The following DCAF10 variants were observed in gnomAD, a reference collection of about 807,000 sequenced individuals.
DCAF10 encodes DDB1- and CUL4-associated factor 10.
Under a neutral mutation model 51.9 loss-of-function variants are expected in DCAF10, and 19 were observed. The ratio of observed to expected loss-of-function variants is 0.37; its 90% CI spans 0.26 to 0.54. The LOEUF (loss-of-function observed/expected upper bound fraction) is 0.54, where lower values mean the gene tolerates loss of function less well. DCAF10 is among the 20% of genes least tolerant of loss of function. The pLI is 0.87. For missense variants in DCAF10, 510 were observed against 730.6 expected (o/e 0.70, Z 3.48); for synonymous variants, 291 against 297.1 (o/e 0.98, Z 0.21).
intron 2 of DCAF10, among the ~76,000 whole-genome samples, chr9:37,834,016 T>G (rs1258286357): frequency 6.6e-6 from 1 of 152,208 alleles, no homozygotes; most frequent in Non-Finnish European, 1.5e-5. Flanking sequence ...CTCGGCTCAC[T>G]GCAGCCTCCG....
chr9:37,861,480 G>A lies in DCAF10; in HGVS notation c.1652G>A (p.Arg551Gln). The A allele has an allele frequency of 4.3e-6, 7 of 1,609,856 alleles. No individual in the cohort carries two copies. The highest frequency in any genetic ancestry group is 6.0e-6 in the Non-Finnish European group (7 of 1,176,378). The change falls in exon 7 of 7, where the codon CGG (arginine) becomes CAG (glutamine). Residue 551 changes from arginine (R) to glutamine (Q), a missense_variant. Coordinates refer to ENST00000377724, the MANE Select transcript of DCAF10 (RefSeq NM_024345.5). The surrounding 1 kb of genome is among the most constrained non-coding windows in gnomAD (Gnocchi z 4.9). ...CQIASGCLSG[R>Q]VSLYQPKF ...ATTGCCTCAGGGTGCCTTAGTGGACGGGTTTCTTTGTATCAGCCAAAGTTT... is the reference window on the plus strand; with the variant it reads ...ATTGCCTCAGGGTGCCTTAGTGGACAGGTTTCTTTGTATCAGCCAAAGTTT...
intron 1 of DCAF10, among the ~76,000 whole-genome samples, chr9:37,806,320 A>G (rs1417278669): frequency 6.6e-6 from 1 of 152,200 alleles, no homozygotes; most frequent in African/African-American, 2.4e-5. Flanking sequence ...CCAATTATAT[A>G]GCAACTAAAG....
In DCAF10 at chr9:37,862,137, G is replaced by T. The variant is rs1831036891; in HGVS notation, c.*629G>T. 1 of 152,594 alleles carries T rather than the reference G, an allele frequency of 6.6e-6. No homozygotes were observed. The highest frequency in any genetic ancestry group is 1.9e-4 in the East Asian group (1 of 5,176). The allele number at this position is 152,594 out of a possible 1,614,324, so 9.5% of individuals were successfully genotyped here. A position where few individuals can be genotyped will look rare whatever the true frequency, so the allele number is the denominator to read the frequency against. On this transcript the variant is annotated 3_prime_UTR_variant, in exon 7 of 7. Coordinates refer to ENST00000377724, the MANE Select transcript of DCAF10 (RefSeq NM_024345.5). The stretch of plus-strand genomic sequence containing the variant: ...AAGTTTCCTGTTAAAATTATAAAAA[G>T]ATTTTCATGGTGAGAGGGATTTTAT...
Position 37,866,792 on chromosome 9 carries a change from C to T in DCAF10, c.*5284C>T, listed in dbSNP as rs1300938350. On this transcript the variant is annotated 3_prime_UTR_variant, in exon 7 of 7. Transcript: ENST00000377724. ...GATATACTACAAACTAAGGATGCTG[C>T]TAGACTAAGGAATAAACAGCAAGGT... is the stretch of plus-strand genomic sequence containing the variant. The T allele has an allele frequency of 1.3e-5, 2 of 152,496 alleles. No individual in the cohort carries two copies. The highest frequency in any genetic ancestry group is 3.9e-4 in the East Asian group (2 of 5,190). The allele number at this position is 152,496 out of a possible 1,614,324, so 9.4% of individuals were successfully genotyped here.
intron 2 of DCAF10, among the ~76,000 whole-genome samples, chr9:37,834,761 A>C (rs1287568490): frequency 1.3e-5 from 2 of 151,300 alleles, no homozygotes; most frequent in East Asian, 3.9e-4. Context: ...TTTTTAGAAA[A>C]TATTTTTTGT....
At position 37,866,977 on chromosome 9, in the gene DCAF10, AT is replaced by A. The variant is rs1451120914; in HGVS notation, c.*5471del. On this transcript the variant is annotated 3_prime_UTR_variant, in exon 7 of 7. Transcript: ENST00000377724. The stretch of plus-strand genomic sequence containing the variant: ...AATAACCATTAAAACATAGGCTTAA[AT>A]TATCACGTATTGTTACAAAGACACA... The A allele has an allele frequency of 6.6e-6, 1 of 152,254 alleles. No individual in the cohort carries two copies. The highest frequency in any genetic ancestry group is 1.9e-4 in the East Asian group (1 of 5,198). 9.4% of individuals were successfully genotyped at this position (152,254 alleles called of 1,614,324 possible). A position where few individuals can be genotyped will look rare whatever the true frequency, so the allele number is the denominator to read the frequency against.
chr9:37,847,757 G>C (rs1361334315), intron 3 of DCAF10, among the ~76,000 whole-genome samples: 2 of 152,142 alleles, frequency 1.3e-5, no homozygotes, highest in Non-Finnish European at 2.9e-5. Flanking sequence ...ACAGAAAATA[G>C]TAAGGAACCT....
intron 3 of DCAF10, among the ~76,000 whole-genome samples, chr9:37,850,042 G>C (rs1830588952): frequency 6.6e-6 from 1 of 152,198 alleles, no homozygotes; most frequent in Admixed American, 6.5e-5. Context: ...CTGGGCAAGA[G>C]ATTGACACCC....
At chr9:37,837,457 CAAAAA>C (rs555983041) in intron 2 of DCAF10, among the ~76,000 whole-genome samples, 39 of 85,686 alleles carry the variant, frequency 4.6e-4, no homozygotes, top group Non-Finnish European at 6.1e-4. Flanking sequence ...GACTCCATCT[CAAAAA>C]AAAAAAAAAA....
intron 1 of DCAF10, among the ~76,000 whole-genome samples, chr9:37,802,743 G>C (rs1241641108): frequency 6.6e-6 from 1 of 152,226 alleles, no homozygotes; most frequent in Non-Finnish European, 1.5e-5. Flanking sequence ...GCATGTAGCA[G>C]TGGATGCACA....
chr9:37,810,619 G>A (rs773994856), intron 1 of DCAF10, among the ~76,000 whole-genome samples: 1 of 152,002 alleles, frequency 6.6e-6, no homozygotes, highest in Non-Finnish European at 1.5e-5. Context: ...CTGCCACCAC[G>A]CCCGGCTAAT....
chr9:37,855,084 C>A, intron 4 of DCAF10, 102 bp downstream of exon 4: 10 of 1,165,058 alleles, frequency 8.6e-6, no homozygotes, highest in Non-Finnish European at 1.2e-5. Context: ...AAAGGGAAGA[C>A]AGTTTTTTAA....
intron 2 of DCAF10, among the ~76,000 whole-genome samples, chr9:37,838,677 G>A (rs991461278): frequency 1.2e-4 from 18 of 152,020 alleles, no homozygotes; most frequent in African/African-American, 4.3e-4. Context: ...GATCACCTGA[G>A]GGTCAGGAGT....
At position 37,801,473 on chromosome 9, in the gene DCAF10, C is replaced by T; in HGVS notation, c.539+68C>T. The T allele has an allele frequency of 7.4e-7, 1 of 1,349,812 alleles. No individual in the cohort carries two copies. The highest frequency in any genetic ancestry group is 9.5e-7 in the Non-Finnish European group (1 of 1,050,396). 83.6% of individuals were successfully genotyped at this position (1,349,812 alleles called of 1,614,324 possible). On this transcript the variant is annotated intron_variant, in intron 1 of 6. Transcript: ENST00000377724. This position sits in a 1 kb window ranked among gnomAD's most constrained non-coding sequence, Gnocchi z 5.5. ...GCTCTGCTGCCAGCGGACGGCCGTC[C>T]TGGGCTCGCTCCCCGCGCCCGGGCC...
At chr9:37,859,180 G>A (rs1042777644) in intron 5 of DCAF10, among the ~76,000 whole-genome samples, 5 of 152,180 alleles carry the variant, frequency 3.3e-5, no homozygotes, top group Non-Finnish European at 7.3e-5. Flanking sequence ...AATCTGAAGG[G>A]AATCTTTAGA....
intron 1 of DCAF10, among the ~76,000 whole-genome samples, chr9:37,809,748 G>A (rs991498141): frequency 2.6e-5 from 4 of 152,162 alleles, no homozygotes; most frequent in African/African-American, 2.4e-5. Flanking sequence ...CAGGAGAATC[G>A]CTTGAACCCG....
At chr9:37,834,683 A>G (rs1241160846) in intron 2 of DCAF10, among the ~76,000 whole-genome samples, 2 of 152,056 alleles carry the variant, frequency 1.3e-5, no homozygotes, top group Non-Finnish European at 2.9e-5. Flanking sequence ...TATCTTTGTT[A>G]TTTTTTAAAA....
chr9:37,857,342 C>A lies in DCAF10; in HGVS notation c.1156C>A (p.Gln386Lys). Residue 386 changes from glutamine (Q) to lysine (K), a missense_variant, in exon 5 of 7, where the codon CAA (glutamine) becomes AAA (lysine). Around this residue, in one of 4 missense-constraint regions of DCAF10, gnomAD observed 29 missense variants for 24.9 expected, o/e 1.16. Transcript: ENST00000377724. ...SSEKHMSRAS[Q>K]REGVSPRNSL... ...TGAGAAACACATGTCACGAGCCTCTCAAAGAGAAGGTAGGTTAAAAGTTGG... is the reference window on the plus strand; with the variant it reads ...TGAGAAACACATGTCACGAGCCTCTAAAAGAGAAGGTAGGTTAAAAGTTGG... 6.2e-7 allele frequency: 1 copy of A among 1,600,146 alleles called. No homozygotes were observed. Among genetic ancestry groups the A allele is most frequent in the Non-Finnish European group, 8.5e-7 (1 of 1,175,210 alleles).
At chr9:37,849,911 T>C (rs1830585044) in intron 3 of DCAF10, among the ~76,000 whole-genome samples, 1 of 151,846 alleles carries the variant, frequency 6.6e-6, no homozygotes, top group Non-Finnish European at 1.5e-5. Context: ...TTTAAAACAT[T>C]AGCCAGGTGT....
Sources: gnomAD v4.1 joint callset for allele counts (sites outside exome capture counted in the v4.1 genomes callset) on GRCh38, gnomAD v4.1.1 for gene constraint, gnomAD v4.1.1 regional missense constraint, Gnocchi (gnomAD v3.1) non-coding constraint, MANE v1.5 for transcripts, NCBI Gene and HGNC (gene_info 2026-07-23, HGNC 2026-07-21) for gene names.